RASA1: variants seen among roughly 807,000 people sequenced by gnomAD.
RASA1 encodes ras GTPase-activating protein 1.
RASA1 carries 25 observed loss-of-function variants against 132.2 expected under a neutral mutation model. That is an observed-to-expected ratio of 0.19 (90% CI 0.14 to 0.26). The LOEUF (loss-of-function observed/expected upper bound fraction) is 0.26. Among genes scored for constraint, RASA1 ranks in the 10% least tolerant of loss-of-function variants. RASA1 has a pLI of 1.00. For missense variants in RASA1, 964 were observed against 1,299.2 expected (o/e 0.74, Z 3.97); for synonymous variants, 477 against 449.9 (o/e 1.06, Z -0.76).
rs552136066 is a variant in RASA1, at chr5:87,374,727, C to G, written c.1935-113C>G. On this transcript the variant is annotated intron_variant, in intron 14 of 24. Transcript: ENST00000274376. ...TGAATCTGGTTTTAGGTCTAGCACACTGTTTTTTTTTTTAAAGCAGAAATA... is the reference window on the plus strand; with the variant it reads ...TGAATCTGGTTTTAGGTCTAGCACAGTGTTTTTTTTTTTAAAGCAGAAATA... 4.9e-5 allele frequency: 69 copies of G among 1,414,454 alleles called. No individual in the cohort carries two copies. In the African/African-American group the frequency reaches 9.4e-4, roughly 19 times the overall value. The allele number at this position is 1,414,454 out of a possible 1,614,324, so 87.6% of individuals were successfully genotyped here. A position where few individuals can be genotyped will look rare whatever the true frequency, so the allele number is the denominator to read the frequency against.
intron 15 of RASA1, 113 bp from the exon 16 acceptor site, chr5:87,376,280 T>C: frequency 1.6e-6 from 2 of 1,277,108 alleles, no homozygotes; most frequent in South Asian, 1.3e-5. Flanking sequence ...GAAAACTCCT[T>C]TAATGAAAAG....
intron 2 of RASA1, 143 bp from the exon 3 acceptor site, chr5:87,332,364 C>A: frequency 1.3e-6 from 1 of 799,770 alleles, no homozygotes; most frequent in African/African-American, 1.7e-5. Context: ...GATGAAGATA[C>A]TAATAAGTGG....
At chr5:87,288,641 A>G (rs1386183030) in intron 1 of RASA1, among the ~76,000 whole-genome samples, 1 of 152,062 alleles carries the variant, frequency 6.6e-6, no homozygotes, top group Non-Finnish European at 1.5e-5. Flanking sequence ...TAGCCCAAGG[A>G]TGGAATCTGT....
rs1035720056 is a variant in RASA1 at position 87,391,230 on chromosome 5, G to T, written c.*347G>T. ...CAGTACACCCAGTTGCCAAAGTTTTGCTGTCTCTTAGAGAAAGAACTATGA... is the reference window on the plus strand; with the variant it reads ...CAGTACACCCAGTTGCCAAAGTTTTTCTGTCTCTTAGAGAAAGAACTATGA... On this transcript the variant is annotated 3_prime_UTR_variant, in exon 25 of 25. Coordinates refer to ENST00000274376, the MANE Select transcript of RASA1 (RefSeq NM_002890.3). 3 of 429,680 alleles carry T rather than the reference G, an allele frequency of 7.0e-6. No homozygotes were observed. Among genetic ancestry groups the T allele is most frequent in the African/African-American group, 2.0e-5 (1 of 51,120 alleles). The allele number at this position is 429,680 out of a possible 1,614,324, so 26.6% of individuals were successfully genotyped here.
intron 1 of RASA1, among the ~76,000 whole-genome samples, chr5:87,329,671 A>T (rs550542548): frequency 6.4e-4 from 97 of 152,270 alleles, no homozygotes; most frequent in African/African-American, 2.3e-3. Context: ...GTATATAAAA[A>T]TAGAGATTTT....
intron 17 of RASA1, among the ~76,000 whole-genome samples, chr5:87,377,772 C>G (rs1022431135): frequency 4.6e-5 from 7 of 152,160 alleles, no homozygotes; most frequent in Non-Finnish European, 8.8e-5. Context: ...CACACACCAC[C>G]AAGCACTTTG....
At chr5:87,386,352 T>G (rs1179771017) in intron 22 of RASA1, among the ~76,000 whole-genome samples, 1 of 152,092 alleles carries the variant, frequency 6.6e-6, no homozygotes. Flanking sequence ...AGGTTTTGAA[T>G]TCATCTGAAT....
At chr5:87,354,542 G>A (rs191346820) in intron 9 of RASA1, among the ~76,000 whole-genome samples, 1 of 152,112 alleles carries the variant, frequency 6.6e-6, no homozygotes, top group South Asian at 2.1e-4. Flanking sequence ...TGACTGGCTG[G>A]TTCTGTTTCT....
chr5:87,363,261 T>G, intron 10 of RASA1, 87 bp from the exon 11 acceptor site: 1 of 1,209,116 alleles, frequency 8.3e-7, no homozygotes, highest in African/African-American at 1.5e-5. Flanking sequence ...AATTGATTGA[T>G]TCATATTTTT....
At chr5:87,334,739 A>G (rs1433514392) in intron 4 of RASA1, among the ~76,000 whole-genome samples, 1 of 152,230 alleles carries the variant, frequency 6.6e-6, no homozygotes, top group Non-Finnish European at 1.5e-5. Flanking sequence ...TTGATGAGGG[A>G]GTAAAAAATA....
At chr5:87,324,698 A>G (rs912646451) in intron 1 of RASA1, among the ~76,000 whole-genome samples, 1 of 152,170 alleles carries the variant, frequency 6.6e-6, no homozygotes, top group South Asian at 2.1e-4. Context: ...GGTTATATAC[A>G]AATATACCCA....
chr5:87,376,769 G>T, intron 16 of RASA1, 112 bp from the exon 17 acceptor site: 1 of 1,240,024 alleles, frequency 8.1e-7, no homozygotes, highest in East Asian at 2.5e-5. Context: ...TTTATTCAAT[G>T]GGACATCATT....
rs369129843 is a variant in RASA1, at chr5:87,313,972, A to G, written c.540-17376A>G. On this transcript the variant is annotated intron_variant, in intron 1 of 24. Coordinates refer to ENST00000274376, the MANE Select transcript of RASA1 (RefSeq NM_002890.3). ...CACCTGAGGTCAGGAGTTTGAGACT[A>G]CCCTGACCAACATGGAGAAACCCTG... is the stretch of plus-strand genomic sequence containing the variant. 4.1e-3 allele frequency among the ~76,000 whole-genome samples: 620 copies of G among 151,970 alleles called. 6 individuals carry two copies. Among genetic ancestry groups the G allele is most frequent in the African/African-American group, 0.014 (597 of 41,440 alleles).
At position 87,382,417 on chromosome 5, in the gene RASA1, C is replaced by T. The variant is rs115765014; in HGVS notation, c.2691-1296C>T. On this transcript the variant is annotated intron_variant, in intron 20 of 24. Transcript: ENST00000274376. ...ATCTATTAATCTATAGAAGGAATTG[C>T]GTAACTCATTATTTTGGGAATAATG... is the stretch of plus-strand genomic sequence containing the variant. Among the ~76,000 whole-genome samples, 1,413 of 152,138 alleles carry T rather than the reference C, an allele frequency of 9.3e-3. 27 individuals are homozygous for T. Among genetic ancestry groups the T allele is most frequent in the African/African-American group, 0.031 (1,302 of 41,482 alleles).
chr5:87,300,371 A>G (rs1251967639), intron 1 of RASA1, among the ~76,000 whole-genome samples: 2 of 152,110 alleles, frequency 1.3e-5, no homozygotes, highest in African/African-American at 4.8e-5. Flanking sequence ...ACCAAGCGAG[A>G]TATGTCTCAT....
chr5:87,372,088 A>T, intron 12 of RASA1, 30 bp from the exon 13 acceptor site: 1 of 1,602,836 alleles, frequency 6.2e-7, no homozygotes. Flanking sequence ...ACTAGTGTAT[A>T]TTTCTTTGAA....
chr5:87,321,491 TTGG>T (rs1756801871), intron 1 of RASA1, among the ~76,000 whole-genome samples: 2 of 152,244 alleles, frequency 1.3e-5, no homozygotes, highest in Non-Finnish European at 2.9e-5. Flanking sequence ...TGGCTTCGAG[TTGG>T]GGTTTCCACA....
chr5:87,386,922 G>C lies in RASA1; in HGVS notation c.2925+19G>C, dbSNP rs1762101202. The C allele has an allele frequency of 6.3e-7, 1 of 1,597,148 alleles. No homozygotes were observed. On this transcript the variant is annotated intron_variant, in intron 23 of 24. Coordinates refer to ENST00000274376, the MANE Select transcript of RASA1 (RefSeq NM_002890.3). Reference sequence around the variant, plus strand: ...ACTTGGGGTATGTATATAGTTTTCAGGTACTTTTTTTAAGACTTCTAGTTG... The same window carrying C: ...ACTTGGGGTATGTATATAGTTTTCACGTACTTTTTTTAAGACTTCTAGTTG...
intron 1 of RASA1, 159 bp from the exon 2 acceptor site, chr5:87,331,189 T>C: frequency 1.0e-6 from 1 of 976,338 alleles, no homozygotes; most frequent in Non-Finnish European, 1.6e-6. Flanking sequence ...GAGACTGAGG[T>C]TAAATTGAGT....
Sources: gnomAD v4.1 joint callset for allele counts (sites outside exome capture counted in the v4.1 genomes callset) on GRCh38, gnomAD v4.1.1 for gene constraint, MANE v1.5 for transcripts, NCBI Gene and HGNC (gene_info 2026-07-23, HGNC 2026-07-21) for gene names.